The following GPC6 variants were observed in gnomAD, a reference collection of about 807,000 sequenced individuals.
GPC6 encodes the protein glypican-6.
GPC6 carries 14 observed loss-of-function variants against 55.2 expected under a neutral mutation model. That is an observed-to-expected ratio of 0.25 (90% CI 0.17 to 0.40). GPC6 has a LOEUF of 0.40. Among genes scored for constraint, GPC6 ranks in the 10% least tolerant of loss-of-function variants. The probability of loss-of-function intolerance (pLI) is 1.00; values close to 1 mark genes in which losing one functional copy is unlikely to be tolerated. For missense variants in GPC6, 641 were observed against 708.5 expected (o/e 0.90, Z 1.08); for synonymous variants, 278 against 259.6 (o/e 1.07, Z -0.68).
At chr13:93,346,710 A>C (rs1202408568) in intron 1 of GPC6, among the ~76,000 whole-genome samples, 3 of 152,200 alleles carry the variant, frequency 2.0e-5, no homozygotes, top group Non-Finnish European at 4.4e-5. Flanking sequence ...AAGGACAAAA[A>C]GAATGGACAG....
chr13:94,313,468 C>T (rs889799210), intron 6 of GPC6, among the ~76,000 whole-genome samples: 3 of 152,114 alleles, frequency 2.0e-5, no homozygotes, highest in Admixed American at 1.3e-4. Context: ...AAATAGAAGG[C>T]ACATAGACCT....
chr13:94,260,310 A>G (rs774608895), intron 4 of GPC6, among the ~76,000 whole-genome samples: 5 of 152,160 alleles, frequency 3.3e-5, no homozygotes, highest in Non-Finnish European at 7.3e-5. Flanking sequence ...TAAGAGTAGT[A>G]TGTATATCAG....
intron 1 of GPC6, among the ~76,000 whole-genome samples, chr13:93,515,720 A>G (rs1566399395): frequency 1.3e-5 from 2 of 152,226 alleles, no homozygotes; most frequent in Admixed American, 1.3e-4. Flanking sequence ...CTGACTAGTG[A>G]CGTATCATGT....
intron 3 of GPC6, among the ~76,000 whole-genome samples, chr13:93,983,205 T>C (rs1236813455): frequency 6.6e-6 from 1 of 152,174 alleles, no homozygotes; most frequent in Non-Finnish European, 1.5e-5. Context: ...ACCTTGAGAA[T>C]GTACATGTTA....
chr13:93,424,886 G>C (rs925113911), intron 1 of GPC6, among the ~76,000 whole-genome samples: 2 of 152,062 alleles, frequency 1.3e-5, no homozygotes, highest in African/African-American at 4.8e-5. Flanking sequence ...GGGAATATTA[G>C]GCCCTTCTCT....
At chr13:93,336,568 T>C (rs1206586465) in intron 1 of GPC6, among the ~76,000 whole-genome samples, 1 of 152,230 alleles carries the variant, frequency 6.6e-6, no homozygotes, top group African/African-American at 2.4e-5. Context: ...TGGATTTCAA[T>C]GCAGTCCATC....
At chr13:94,283,496 G>C (rs761257445) in intron 4 of GPC6, among the ~76,000 whole-genome samples, 11 of 152,208 alleles carry the variant, frequency 7.2e-5, no homozygotes, top group Non-Finnish European at 1.5e-4. Flanking sequence ...CAGAGGCGTG[G>C]CTTTACCTGC....
intron 1 of GPC6, among the ~76,000 whole-genome samples, chr13:93,525,140 G>A (rs1425667898): frequency 6.6e-6 from 1 of 151,986 alleles, no homozygotes; most frequent in African/African-American, 2.4e-5. Context: ...TATATCCTTT[G>A]GCAGGGCAAT....
intron 3 of GPC6, among the ~76,000 whole-genome samples, chr13:93,895,222 A>ATGTGTG (rs369480808): frequency 0.011 from 589 of 53,562 alleles, 40 homozygotes; most frequent in African/African-American, 0.02. Flanking sequence ...GTGTGTATGT[A>ATGTGTG]TGTGTGTGTG....
intron 1 of GPC6, among the ~76,000 whole-genome samples, chr13:93,246,910 T>G (rs1417306473): frequency 6.6e-6 from 1 of 150,998 alleles, no homozygotes; most frequent in East Asian, 2.0e-4. Flanking sequence ...TTGCTTATCC[T>G]AATTTCCCCC....
At chr13:93,598,428 C>T (rs1428061248) in intron 2 of GPC6, among the ~76,000 whole-genome samples, 1 of 152,158 alleles carries the variant, frequency 6.6e-6, no homozygotes, top group Non-Finnish European at 1.5e-5. Context: ...TGAATTAGTA[C>T]AACTTTAATT....
intron 2 of GPC6, among the ~76,000 whole-genome samples, chr13:93,738,840 T>C (rs1448676623): frequency 6.6e-6 from 1 of 152,142 alleles, no homozygotes; most frequent in Non-Finnish European, 1.5e-5. Context: ...TTCACTGTTT[T>C]AGCAGTTCTC....
chr13:94,376,730 C>G (rs1366895809), intron 6 of GPC6, among the ~76,000 whole-genome samples: 2 of 152,144 alleles, frequency 1.3e-5, no homozygotes, highest in African/African-American at 4.8e-5. Context: ...AAAAAAGAGC[C>G]CGCATCGCCA....
chr13:93,860,758 A>C (rs1053850931), intron 3 of GPC6, among the ~76,000 whole-genome samples: 2 of 151,678 alleles, frequency 1.3e-5, no homozygotes, highest in African/African-American at 4.8e-5. Flanking sequence ...AAGACTCTTG[A>C]TCCTTAACTA....
intron 2 of GPC6, among the ~76,000 whole-genome samples, chr13:93,672,689 A>C (rs915444989): frequency 6.6e-6 from 1 of 151,576 alleles, no homozygotes; most frequent in African/African-American, 2.4e-5. Context: ...ACATATATAT[A>C]TATATAATCT....
At chr13:93,810,258 T>C (rs969188474) in intron 2 of GPC6, among the ~76,000 whole-genome samples, 4 of 152,226 alleles carry the variant, frequency 2.6e-5, no homozygotes, top group African/African-American at 7.2e-5. Flanking sequence ...AATAGCTACA[T>C]TGAGTCCGTT....
At chr13:93,504,577 C>A (rs1196095414) in intron 1 of GPC6, among the ~76,000 whole-genome samples, 1 of 147,306 alleles carries the variant, frequency 6.8e-6, no homozygotes, top group African/African-American at 2.5e-5. Context: ...TAGTGATAAG[C>A]CCATATTTTG....
chr13:94,089,590 A>G (rs1885407474), intron 4 of GPC6, among the ~76,000 whole-genome samples: 1 of 149,462 alleles, frequency 6.7e-6, no homozygotes, highest in Non-Finnish European at 1.5e-5. Flanking sequence ...GGAACACTAC[A>G]TAGCACTTTA....
chr13:94,096,231 A>C (rs1885650859), intron 4 of GPC6, among the ~76,000 whole-genome samples: 3 of 152,154 alleles, frequency 2.0e-5, no homozygotes, highest in Admixed American at 2.0e-4. Flanking sequence ...TAAACTGAGA[A>C]AAACAATTTT....
Sources: gnomAD v4.1 joint callset for allele counts (sites outside exome capture counted in the v4.1 genomes callset) on GRCh38, gnomAD v4.1.1 for gene constraint, MANE v1.5 for transcripts, NCBI Gene and HGNC (gene_info 2026-07-23, HGNC 2026-07-21) for gene names.